AARS1: variants seen among roughly 807,000 people sequenced by gnomAD.
AARS1 encodes alanine--tRNA ligase, cytoplasmic.
In AARS1, 72 loss-of-function variants were observed where a neutral mutation model predicts 108.9. The observed-to-expected ratio is 0.66, with a 90% CI of 0.55 to 0.80. AARS1 has a LOEUF of 0.80. AARS1 is among the 30% of genes least tolerant of loss of function. The pLI is 0.00. For synonymous variants in AARS1, 489 were observed against 465.7 expected (o/e 1.05, Z -0.64); for missense variants, 1,193 against 1,233.2 (o/e 0.97, Z 0.49).
Position 70,289,437 on chromosome 16 carries a change from G to C in AARS1, c.-38C>G. 2.5e-6 allele frequency: 1 copy of C among 404,790 alleles called. No homozygotes were observed. The highest frequency in any genetic ancestry group is 5.0e-6 in the Non-Finnish European group (1 of 200,974). 25.1% of individuals were successfully genotyped at this position (404,790 alleles called of 1,614,324 possible). Reference sequence around the variant, plus strand: ...GCGGCCTACCTCTCCTAGGGTCGCCGTCCCCAGCTCCTCCCTCAGAGTCCC... The same window carrying C: ...GCGGCCTACCTCTCCTAGGGTCGCCCTCCCCAGCTCCTCCCTCAGAGTCCC... On this transcript the variant is annotated 5_prime_UTR_variant, in exon 1 of 21. Coordinates refer to ENST00000261772, the MANE Select transcript of AARS1 (RefSeq NM_001605.3).
intron 2 of AARS1, among the ~76,000 whole-genome samples, 183 bp downstream of exon 2, chr16:70,282,437 C>T: frequency 6.6e-6 from 1 of 151,574 alleles, no homozygotes; most frequent in Non-Finnish European, 1.5e-5. Context: ...CTCACTAATA[C>T]CTACAGGCCC....
rs1208965015 is a variant in AARS1 at position 70,252,485 on chromosome 16, A to G, written c.*236T>C. ...TGGAGAGCCGTTATCTATAGATGCG[A>G]GCGTGACGATCAACAGCAATGCGGG... On this transcript the variant is annotated 3_prime_UTR_variant, in exon 21 of 21. Transcript: ENST00000261772. 5.2e-6 allele frequency: 3 copies of G among 576,934 alleles called. No homozygotes were observed. Among genetic ancestry groups the G allele is most frequent in the African/African-American group, 1.9e-5 (1 of 53,452 alleles). The allele number at this position is 576,934 out of a possible 1,614,324, so 35.7% of individuals were successfully genotyped here.
chr16:70,258,016 C>T lies in AARS1; in HGVS notation c.2177+17G>A, dbSNP rs932772553. Reference sequence around the variant, plus strand: ...AAGGTAGATGACCTGTCTACTCTGCCCCTCTGCAGTACTCACGTTCCCCCA... The same window carrying T: ...AAGGTAGATGACCTGTCTACTCTGCTCCTCTGCAGTACTCACGTTCCCCCA... On this transcript the variant is annotated intron_variant, in intron 15 of 20. Coordinates refer to ENST00000261772, the MANE Select transcript of AARS1 (RefSeq NM_001605.3). The T allele has an allele frequency of 1.2e-6, 2 of 1,613,948 alleles. No individual in the cohort carries two copies. Among genetic ancestry groups the T allele is most frequent in the Non-Finnish European group, 1.7e-6 (2 of 1,179,882 alleles).
intron 4 of AARS1, chr16:70,276,043 C>T (rs1197414134): frequency 6.6e-6 from 1 of 150,964 alleles, no homozygotes; most frequent in Non-Finnish European, 1.5e-5. Context: ...GAAACCCCGT[C>T]TCTACTAAAA....
At chr16:70,264,853 G>C in intron 11 of AARS1, 105 bp downstream of exon 11, 1 of 1,427,436 alleles carries the variant, frequency 7.0e-7, no homozygotes, top group Non-Finnish European at 9.8e-7. Flanking sequence ...CTCCAGGAGA[G>C]GCTGTCAGCA....
chr16:70,287,078 C>G (rs1225277639), intron 1 of AARS1, among the ~76,000 whole-genome samples: 1 of 151,252 alleles, frequency 6.6e-6, no homozygotes, highest in African/African-American at 2.4e-5. Context: ...GGTGAAACCC[C>G]GTCTCTACTA....
Position 70,258,123 on chromosome 16 carries a change from A to G in AARS1, c.2087T>C (p.Val696Ala). 6.2e-7 allele frequency: 1 copy of G among 1,613,482 alleles called. No homozygotes were observed. Among genetic ancestry groups the G allele is most frequent in the Non-Finnish European group, 8.5e-7 (1 of 1,179,788 alleles). ...GGACACCGGGACCCCAATGGAGACGACTCGCACAGGGTCAGGATAGGTCTC... is the reference window on the plus strand; with the variant it reads ...GGACACCGGGACCCCAATGGAGACGGCTCGCACAGGGTCAGGATAGGTCTC... ...FDETYPDPVR[V>A]VSIGVPVSEL... The change falls in exon 15 of 21, where the codon GTC (valine) becomes GCC (alanine). Residue 696 changes from valine (V) to alanine (A), a missense_variant. Coordinates refer to ENST00000261772, the MANE Select transcript of AARS1 (RefSeq NM_001605.3).
At chr16:70,288,538 T>A (rs1336015832) in intron 1 of AARS1, among the ~76,000 whole-genome samples, 1 of 150,080 alleles carries the variant, frequency 6.7e-6, no homozygotes, top group African/African-American at 2.5e-5. Flanking sequence ...GTCAGTTCCA[T>A]CCCAGCAGCA....
In AARS1 at chr16:70,256,624, G is replaced by A. The variant is rs1355050516; in HGVS notation, c.2178-788C>T. Among the ~76,000 whole-genome samples the A allele has an allele frequency of 2.6e-5, 4 of 152,148 alleles. No homozygotes were observed. The East Asian group carries it at 5.8e-4, about 22-fold the overall frequency. On this transcript the variant is annotated intron_variant, in intron 15 of 20. Coordinates refer to ENST00000261772, the MANE Select transcript of AARS1 (RefSeq NM_001605.3). ...CCTTGGTATAAAGTTTTTGAAAGCTGTTTCCTGTAGTCTAAAGGGTATGAG... is the reference window on the plus strand; with the variant it reads ...CCTTGGTATAAAGTTTTTGAAAGCTATTTCCTGTAGTCTAAAGGGTATGAG...
intron 2 of AARS1, among the ~76,000 whole-genome samples, chr16:70,282,393 G>A (rs1197859439): frequency 6.6e-6 from 1 of 150,456 alleles, no homozygotes; most frequent in African/African-American, 2.4e-5. Context: ...GAAATACCGT[G>A]CTAAACATTT....
chr16:70,254,089 T>A, intron 17 of AARS1, 51 bp from the exon 18 acceptor site: 2 of 1,610,072 alleles, frequency 1.2e-6, no homozygotes, highest in Non-Finnish European at 8.5e-7. Context: ...TGCTGGGATG[T>A]CAGGGTCCAG....
chr16:70,257,972 C>A lies in AARS1; in HGVS notation c.2177+61G>T, dbSNP rs1379378452. 3.1e-6 allele frequency: 5 copies of A among 1,591,344 alleles called. No homozygotes were observed. In the African/African-American group the frequency reaches 5.4e-5, roughly 17 times the overall value. ...AGACAAGAGTTGGTCCAGCCTAAGA[C>A]CTACATCCTCAGAGGATGAAGGTAG... On this transcript the variant is annotated intron_variant, in intron 15 of 20. Coordinates refer to ENST00000261772, the MANE Select transcript of AARS1 (RefSeq NM_001605.3).
At chr16:70,259,706 A>C (rs1224097936) in intron 13 of AARS1, among the ~76,000 whole-genome samples, 1 of 151,904 alleles carries the variant, frequency 6.6e-6, no homozygotes, top group Non-Finnish European at 1.5e-5. Flanking sequence ...GCTGGGTCTC[A>C]AACTCTTGGC....
At chr16:70,261,194 C>G (rs752833256) in intron 12 of AARS1, 37 bp from the exon 13 acceptor site, 8 of 1,479,352 alleles carry the variant, frequency 5.4e-6, no homozygotes, top group Admixed American at 5.0e-5. Context: ...TAAATAAATC[C>G]TTAAAAACAT....
chr16:70,254,896 A>G (rs1351923250), intron 16 of AARS1, among the ~76,000 whole-genome samples, 162 bp from the exon 17 acceptor site: 1 of 152,196 alleles, frequency 6.6e-6, no homozygotes, highest in African/African-American at 2.4e-5. Flanking sequence ...CCCAGGCCCC[A>G]GCAAGGAGCA....
Position 70,252,745 on chromosome 16 carries a change from C to G in AARS1, c.2883G>C (p.Leu961=). 1 of 1,614,194 alleles carries G rather than the reference C, an allele frequency of 6.2e-7. No individual in the cohort carries two copies. Among genetic ancestry groups the G allele is most frequent in the Non-Finnish European group, 8.5e-7 (1 of 1,180,052 alleles). Residue 961 remains leucine (L), a synonymous_variant, in exon 21 of 21, where the codon CTG becomes CTC. Coordinates refer to ENST00000261772, the MANE Select transcript of AARS1 (RefSeq NM_001605.3). ...ALQLATSFAQ[L]RLGDVKN ...CTCAGTTCTTTACATCCCCGAGGCGCAGCTGGGCGAAGGAAGTGGCCAGCT... is the reference window on the plus strand; with the variant it reads ...CTCAGTTCTTTACATCCCCGAGGCGGAGCTGGGCGAAGGAAGTGGCCAGCT...
At chr16:70,254,566 G>A (rs538702593) in intron 17 of AARS1, 55 bp downstream of exon 17, 30 of 1,221,800 alleles carry the variant, frequency 2.5e-5, no homozygotes, top group Non-Finnish European at 3.2e-5. Context: ...TCCTGAAGAC[G>A]GGGCATGTTT....
Position 70,277,111 on chromosome 16 carries a change from A to T in AARS1, c.188T>A (p.Met63Lys). Residue 63 changes from methionine (M) to lysine (K), a missense_variant, in exon 3 of 21, where the codon ATG (methionine) becomes AAG (lysine). Transcript: ENST00000261772. Reference protein sequence around the residue: ...FLNTIDPSHPMAKLSRAANTQ... With the variant: ...FLNTIDPSHPKAKLSRAANTQ... ...ATTGGCAGCTCTGCTCAGCTTTGCC[A>T]TGGGGTGAGATGGGTCAATTGTGTT... is the stretch of plus-strand genomic sequence containing the variant. The T allele has an allele frequency of 1.2e-6, 2 of 1,614,090 alleles. No homozygotes were observed. Among genetic ancestry groups the T allele is most frequent in the Non-Finnish European group, 1.7e-6 (2 of 1,180,004 alleles).
chr16:70,252,806 G>C lies in AARS1; in HGVS notation c.2822C>G (p.Thr941Arg). 6.2e-7 allele frequency: 1 copy of C among 1,614,228 alleles called. No homozygotes were observed. The highest frequency in any genetic ancestry group is 1.3e-5 in the African/African-American group (1 of 75,062). The change falls in exon 21 of 21, where the codon ACA (threonine) becomes AGA (arginine). Residue 941 changes from threonine (T) to arginine (R), a missense_variant. Transcript: ENST00000261772. Reference protein sequence around the residue: ...GGGKDVSAQATGKNVGCLQEA... With the variant: ...GGGKDVSAQARGKNVGCLQEA... ...CTGCAGGCAGCCAACGTTCTTGCCT[G>C]TGGCCTGTGCAGACACATCCTTGCC... is the stretch of plus-strand genomic sequence containing the variant.
Sources: gnomAD v4.1 joint callset for allele counts (sites outside exome capture counted in the v4.1 genomes callset) on GRCh38, gnomAD v4.1.1 for gene constraint, MANE v1.5 for transcripts, NCBI Gene and HGNC (gene_info 2026-07-23, HGNC 2026-07-21) for gene names.